JAG1: variants seen among roughly 807,000 people sequenced by gnomAD.
JAG1 encodes the protein jagged canonical Notch ligand 1.
JAG1 carries 23 observed loss-of-function variants against 148.7 expected under a neutral mutation model. That is an observed-to-expected ratio of 0.15 (90% confidence interval 0.11 to 0.22). The LOEUF is 0.22. Ranked by LOEUF, JAG1 falls within the 10% of genes least tolerant of loss-of-function variation. The pLI is 1.00. For synonymous variants in JAG1, 572 were observed against 598.3 expected (o/e 0.96, Z 0.64); for missense variants, 1,054 against 1,611.2 (o/e 0.65, Z 5.92).
chr20:10,660,903 G>A (rs2067412460), intron 3 of JAG1, among the ~76,000 whole-genome samples: 1 of 152,212 alleles, frequency 6.6e-6, no homozygotes, highest in Non-Finnish European at 1.5e-5. Context: ...CCGCCTCGCA[G>A]GCCAAGGAGG....
intron 12 of JAG1, 131 bp from the exon 13 acceptor site, chr20:10,648,241 G>T: frequency 9.3e-7 from 1 of 1,069,662 alleles, no homozygotes; most frequent in Non-Finnish European, 1.4e-6. Flanking sequence ...CACCCTGTAA[G>T]ATACATCTCT....
chr20:10,656,722 G>A lies in JAG1; in HGVS notation c.695-264C>T, dbSNP rs530771879. On this transcript the variant is annotated intron_variant, in intron 4 of 25. Transcript: ENST00000254958. The stretch of plus-strand genomic sequence containing the variant: ...AGTTGACGAGGGAAGGGGGACCTTC[G>A]TCCAGCCTCTCTAAACCACAGCTAC... 3.9e-5 allele frequency among the ~76,000 whole-genome samples: 6 copies of A among 152,206 alleles called. No homozygotes were observed. The East Asian group carries it at 9.7e-4, about 25-fold the overall frequency.
chr20:10,652,588 C>T lies in JAG1; in HGVS notation c.766G>A (p.Gly256Ser). 1.2e-6 allele frequency: 2 copies of T among 1,613,812 alleles called. No homozygotes were observed. Among genetic ancestry groups the T allele is most frequent in the Non-Finnish European group, 1.7e-6 (2 of 1,179,840 alleles). ...KLPGDCRCQY[G>S]WQGLYCDKCI... ...TTATCACAGTACAGGCCTTGCCAGC[C>T]GTACTGGCACCTGGAGACACACAGC... The change falls in exon 6 of 26, where the codon GGC (glycine) becomes AGC (serine). Residue 256 changes from glycine (G) to serine (S), a missense_variant. This residue lies in a region of JAG1 where 104 missense variants were observed against 235.2 expected (regional missense o/e 0.44). Transcript: ENST00000254958.
chr20:10,642,448 C>G (rs772354456), intron 21 of JAG1, 40 bp downstream of exon 21: 3 of 1,225,672 alleles, frequency 2.4e-6, no homozygotes, highest in Non-Finnish European at 2.4e-6. Flanking sequence ...GCTCGCTCAC[C>G]CCAGAAGACC....
Position 10,638,844 on chromosome 20 carries a change from T to C in JAG1, c.*654A>G, listed in dbSNP as rs1256488347. 1 of 152,986 alleles carries C rather than the reference T, an allele frequency of 6.5e-6. No homozygotes were observed. Among genetic ancestry groups the C allele is most frequent in the Non-Finnish European group, 1.5e-5 (1 of 68,306 alleles). The allele number at this position is 152,986 out of a possible 1,614,324, so 9.5% of individuals were successfully genotyped here. ...ATAAAAAGGAATGATGTTTTAAGGC[T>C]CTTGATTATTAAGTTAATAAATCAA... On this transcript the variant is annotated 3_prime_UTR_variant, in exon 26 of 26. Coordinates refer to ENST00000254958, the MANE Select transcript of JAG1 (RefSeq NM_000214.3).
Position 10,656,412 on chromosome 20 carries a change from G to A in JAG1, c.741C>T (p.Leu247=). 6.2e-7 allele frequency: 1 copy of A among 1,613,836 alleles called. No homozygotes were observed. The highest frequency in any genetic ancestry group is 8.5e-7 in the Non-Finnish European group (1 of 1,179,752). Residue 247 remains leucine, a synonymous_variant, in exon 5 of 26, where the codon CTC becomes CTT. Transcript: ENST00000254958. ...AGTTGATTTACCTGCAGTCACCTGGGAGTTTGCAAGACCCATGCTTAGGAC... is the reference window on the plus strand; with the variant it reads ...AGTTGATTTACCTGCAGTCACCTGGAAGTTTGCAAGACCCATGCTTAGGAC... ...GCSPKHGSCK[L]PGDCRCQYGW...
At chr20:10,658,792 T>A (rs1424925653) in intron 3 of JAG1, 70 bp from the exon 4 acceptor site, 23 of 1,563,602 alleles carry the variant, frequency 1.5e-5, no homozygotes, top group Non-Finnish European at 1.9e-5. Context: ...TTTGGCTTTT[T>A]AAAATAAAAA....
chr20:10,646,485 C>T (rs899900108), intron 14 of JAG1: 2 of 359,814 alleles, frequency 5.6e-6, no homozygotes, highest in African/African-American at 2.1e-5. Context: ...CCAGTCTCCC[C>T]AGCCTTACTG....
intron 18 of JAG1, 58 bp downstream of exon 18, chr20:10,644,805 A>G (rs941582165): frequency 1.1e-5 from 13 of 1,210,624 alleles, no homozygotes; most frequent in Admixed American, 3.4e-5. Context: ...CAAGTCCCCA[A>G]GGGTGTCAGG....
intron 18 of JAG1, 48 bp from the exon 19 acceptor site, chr20:10,644,432 G>C (rs370955915): frequency 6.6e-7 from 1 of 1,511,440 alleles, no homozygotes; most frequent in East Asian, 2.3e-5. Context: ...CAGGGAAAGC[G>C]GTCTTAGCCC....
Position 10,639,631 on chromosome 20 carries a change from G to A in JAG1, c.3524C>T (p.Ala1175Val), listed in dbSNP as rs918046091. ...QQKARFAKQP[A>V]YTLVDREEKP... is the part of the protein sequence containing the mutation. ...CTCTTCTCTGTCTACCAGCGTGTAC[G>A]CCGGCTGCTTGGCAAACCGGGCTTT... Residue 1175 changes from alanine (A) to valine (V), a missense_variant, in exon 26 of 26, where the codon GCG becomes GTG. By Grantham distance (64) the Ala-to-Val change is moderately conservative. Transcript: ENST00000254958. 22 of 1,614,058 alleles carry A rather than the reference G, an allele frequency of 1.4e-5. No homozygotes were observed. Among genetic ancestry groups the A allele is most frequent in the East Asian group, 2.2e-5 (1 of 44,890 alleles).
At position 10,640,866 on chromosome 20, in the gene JAG1, A is replaced by G; in HGVS notation, c.3116T>C (p.Val1039Ala). 1 of 1,614,144 alleles carries G rather than the reference A, an allele frequency of 6.2e-7. No homozygotes were observed. Among genetic ancestry groups the G allele is most frequent in the Non-Finnish European group, 8.5e-7 (1 of 1,180,004 alleles). Reference protein sequence around the residue: ...KEITDKIIDLVSKRDGNSSLI... With the variant: ...KEITDKIIDLASKRDGNSSLI... Reference sequence around the variant, plus strand: ...CGAGCTGTTTCCATCACGTTTACTAACAAGATCGATTATTTTGTCAGTGAT... The same window carrying G: ...CGAGCTGTTTCCATCACGTTTACTAGCAAGATCGATTATTTTGTCAGTGAT... The change falls in exon 25 of 26, where the codon GTT (valine) becomes GCT (alanine). Residue 1039 changes from valine to alanine, a missense_variant. By Grantham distance (64) the Val-to-Ala change is moderately conservative. Coordinates refer to ENST00000254958, the MANE Select transcript of JAG1 (RefSeq NM_000214.3).
intron 3 of JAG1, among the ~76,000 whole-genome samples, chr20:10,661,243 G>A (rs549383501): frequency 5.3e-5 from 8 of 152,222 alleles, no homozygotes; most frequent in Middle Eastern, 6.8e-3. Context: ...GCTCACTGCA[G>A]AGCTGATAGA....
intron 3 of JAG1, among the ~76,000 whole-genome samples, chr20:10,663,223 C>T (rs573334391): frequency 3.3e-5 from 5 of 152,292 alleles, no homozygotes; most frequent in Admixed American, 6.5e-5. Flanking sequence ...TTCCAGCGAC[C>T]GCAACCCAAA....
chr20:10,639,438 A>G lies in JAG1; in HGVS notation c.*60T>C, dbSNP rs186487018. The G allele has an allele frequency of 4.3e-5, 62 of 1,435,566 alleles. No homozygotes were observed. Among genetic ancestry groups the G allele is most frequent in the Admixed American group, 2.2e-4 (13 of 59,806 alleles). The allele number at this position is 1,435,566 out of a possible 1,614,324, so 88.9% of individuals were successfully genotyped here. ...CGGCCTCAGACTCGAGTATGACACGACAGTTTAAAGAACTACAAGCCCTCA... is the reference window on the plus strand; with the variant it reads ...CGGCCTCAGACTCGAGTATGACACGGCAGTTTAAAGAACTACAAGCCCTCA... On this transcript the variant is annotated 3_prime_UTR_variant, in exon 26 of 26. Coordinates refer to ENST00000254958, the MANE Select transcript of JAG1 (RefSeq NM_000214.3).
chr20:10,644,535 G>T (rs908757108), intron 18 of JAG1, 151 bp from the exon 19 acceptor site: 2 of 712,932 alleles, frequency 2.8e-6, no homozygotes, highest in African/African-American at 1.7e-5. Flanking sequence ...AACCAGGCCC[G>T]CACCACACTT....
chr20:10,653,649 A>ACGATCAG (rs2067360845), intron 5 of JAG1, among the ~76,000 whole-genome samples: 1 of 151,956 alleles, frequency 6.6e-6, no homozygotes, highest in Non-Finnish European at 1.5e-5. Flanking sequence ...GGGAAAAGCC[A>ACGATCAG]CGATCAGCGC....
chr20:10,642,562 G>A lies in JAG1; in HGVS notation c.2498C>T (p.Ala833Val), dbSNP rs141292792. 1.7e-5 allele frequency: 28 copies of A among 1,613,630 alleles called. No individual in the cohort carries two copies. The highest frequency in any genetic ancestry group is 2.7e-5 in the African/African-American group (2 of 74,918). The change falls in exon 21 of 26, where the codon GCG becomes GTG. Residue 833 changes from alanine (A) to valine (V), a missense_variant. Around this residue, in one of 6 missense-constraint regions of JAG1, gnomAD observed 342 missense variants for 514.6 expected, o/e 0.66. Transcript: ENST00000254958. ...ECQSSPCAFG[A>V]TCVDEINGYR... ...GCCATTGATCTCATCCACACAGGTC[G>A]CTCCAAAGGCACAAGGTGAAGACTG...
chr20:10,650,484 G>T, intron 8 of JAG1, 124 bp from the exon 9 acceptor site: 1 of 699,082 alleles, frequency 1.4e-6, no homozygotes, highest in East Asian at 2.7e-5. Flanking sequence ...TACAAGGAAA[G>T]CTACAGCAGG....
Sources: allele counts gnomAD v4.1 joint callset (sites outside exome capture counted in the v4.1 genomes callset), GRCh38; gene constraint gnomAD v4.1.1; regional missense constraint gnomAD v4.1.1; transcripts MANE v1.5; gene names NCBI Gene and HGNC (gene_info 2026-07-23, HGNC 2026-07-21).